Variants in PAX2 observed in about 807,000 individuals in gnomAD.
PAX2 encodes the protein paired box protein Pax-2.
In PAX2, 9 loss-of-function variants were observed where a neutral mutation model predicts 41.7. The observed-to-expected ratio is 0.22, with a 90% CI of 0.13 to 0.38. PAX2 has a LOEUF of 0.38. Among genes scored for constraint, PAX2 ranks in the 10% least tolerant of loss-of-function variants. PAX2 has a pLI of 1.00. For missense variants in PAX2, 418 were observed against 531.6 expected (o/e 0.79, Z 2.10); for synonymous variants, 221 against 212.7 (o/e 1.04, Z -0.34).
intron 7 of PAX2, among the ~76,000 whole-genome samples, chr10:100,819,665 G>A (rs79960259): frequency 4.6e-5 from 7 of 152,278 alleles, no homozygotes; most frequent in Admixed American, 1.3e-4. Flanking sequence ...TAAGGACACC[G>A]CCCAGCATAT....
chr10:100,820,645 C>T (rs1406354751), intron 7 of PAX2, among the ~76,000 whole-genome samples: 2 of 152,060 alleles, frequency 1.3e-5, no homozygotes, highest in Non-Finnish European at 2.9e-5. Flanking sequence ...ACCCAGGAGG[C>T]GGAGGTTGCA....
intron 5 of PAX2, among the ~76,000 whole-genome samples, chr10:100,786,317 C>T (rs1276648663): frequency 6.6e-6 from 1 of 152,226 alleles, no homozygotes; most frequent in African/African-American, 2.4e-5. Context: ...CATCTTTCAG[C>T]CTCCACAGGC....
chr10:100,815,035 C>G (rs1444735917), intron 7 of PAX2, among the ~76,000 whole-genome samples: 1 of 152,180 alleles, frequency 6.6e-6, no homozygotes, highest in Non-Finnish European at 1.5e-5. Context: ...GCCTCCTGGC[C>G]CACATCTGAG....
At chr10:100,794,271 C>T (rs547986195) in intron 5 of PAX2, among the ~76,000 whole-genome samples, 1 of 152,358 alleles carries the variant, frequency 6.6e-6, no homozygotes, top group East Asian at 1.9e-4. Flanking sequence ...GACCACGGGA[C>T]GTGGGATCCA....
intron 3 of PAX2, among the ~76,000 whole-genome samples, chr10:100,760,496 A>G (rs59792575): frequency 0.087 from 13,279 of 152,202 alleles, 1,729 homozygotes; most frequent in African/African-American, 0.28. Flanking sequence ...GTGAACGCTT[A>G]TGAGTAGTGT....
Position 100,746,206 on chromosome 10 carries a change from T to A in PAX2, c.-55T>A. On this transcript the variant is annotated 5_prime_UTR_variant, in exon 1 of 10. Transcript: ENST00000355243. ...TTTCTCCTCAAGTCCTGAAGTTGAGTTTGAGAGGCGACACGGCGGCGGCGG... is the reference window on the plus strand; with the variant it reads ...TTTCTCCTCAAGTCCTGAAGTTGAGATTGAGAGGCGACACGGCGGCGGCGG... 1 of 1,607,966 alleles carries A rather than the reference T, an allele frequency of 6.2e-7. No individual in the cohort carries two copies. The highest frequency in any genetic ancestry group is 1.7e-5 in the Admixed American group (1 of 59,794).
At chr10:100,775,179 G>A (rs756080089) in intron 3 of PAX2, among the ~76,000 whole-genome samples, 2 of 152,220 alleles carry the variant, frequency 1.3e-5, no homozygotes, top group African/African-American at 2.4e-5. Context: ...GCCTGGGGCC[G>A]TGGAGGTTTG....
intron 7 of PAX2, among the ~76,000 whole-genome samples, chr10:100,823,639 A>G (rs919841797): frequency 1.3e-5 from 2 of 152,176 alleles, no homozygotes; most frequent in East Asian, 3.8e-4. Context: ...AATAAGGGGA[A>G]TCTGGAGGGG....
intron 7 of PAX2, among the ~76,000 whole-genome samples, chr10:100,815,817 C>A (rs912203549): frequency 1.3e-5 from 2 of 152,208 alleles, no homozygotes; most frequent in Non-Finnish European, 2.9e-5. Flanking sequence ...AATCCCATGT[C>A]CTTGTCTGTG....
chr10:100,829,780 A>G lies in PAX2; in HGVS notation c.*2161A>G, dbSNP rs1848725154. On this transcript the variant is annotated 3_prime_UTR_variant, in exon 10 of 10. Coordinates refer to ENST00000355243, the MANE Select transcript of PAX2 (RefSeq NM_000278.5). ...CCCAGTCCTGTGGGGCTGGCCGGGCAGAGACCCCGGACCCAGGCCCAGGCC... is the reference window on the plus strand; with the variant it reads ...CCCAGTCCTGTGGGGCTGGCCGGGCGGAGACCCCGGACCCAGGCCCAGGCC... 1 of 205,680 alleles carries G rather than the reference A, an allele frequency of 4.9e-6. No individual in the cohort carries two copies. Among genetic ancestry groups the G allele is most frequent in the Admixed American group, 6.0e-5 (1 of 16,804 alleles). The allele number at this position is 205,680 out of a possible 1,614,324, so 12.7% of individuals were successfully genotyped here.
At chr10:100,754,316 CAA>C (rs1251086883) in intron 3 of PAX2, among the ~76,000 whole-genome samples, 3 of 152,240 alleles carry the variant, frequency 2.0e-5, no homozygotes, top group Admixed American at 1.3e-4. Context: ...GGGTTACTGA[CAA>C]TCCCCCGAGG....
At chr10:100,787,117 AAGG>A (rs1194151535) in intron 5 of PAX2, 13 of 532,810 alleles carry the variant, frequency 2.4e-5, no homozygotes, top group Non-Finnish European at 3.7e-5. Context: ...GAGCATGGAA[AAGG>A]AGGAGTTGGC....
chr10:100,803,885 C>CA (rs1438528726), intron 5 of PAX2, among the ~76,000 whole-genome samples: 2 of 151,584 alleles, frequency 1.3e-5, no homozygotes, highest in Admixed American at 6.6e-5. Flanking sequence ...CCTGAGTATA[C>CA]AAAAAAATAA....
At chr10:100,792,255 G>A (rs893808738) in intron 5 of PAX2, among the ~76,000 whole-genome samples, 3 of 152,202 alleles carry the variant, frequency 2.0e-5, no homozygotes, top group Non-Finnish European at 4.4e-5. Flanking sequence ...TCTTCTTCAC[G>A]TGCACAAGCA....
intron 7 of PAX2, among the ~76,000 whole-genome samples, chr10:100,810,176 C>A (rs1271300099): frequency 6.6e-6 from 1 of 151,942 alleles, no homozygotes; most frequent in East Asian, 1.9e-4. Context: ...AGGTGGCCTG[C>A]GGACCCAGCA....
rs149682559 is a variant in PAX2 at position 100,781,256 on chromosome 10, G to A, written c.507G>A (p.Thr169=). 24 of 1,613,776 alleles carry A rather than the reference G, an allele frequency of 1.5e-5. No individual in the cohort carries two copies. The highest frequency in any genetic ancestry group is 1.6e-4 in the Middle Eastern group (1 of 6,084). ...TAPGHTIVPS[T]ASPPVSSASN... ...CTTCCTCTCATCCAGTTCCCAGCAC[G>A]GCCTCCCCTCCTGTTTCCAGCGCCT... The change falls in exon 5 of 10, where the codon ACG becomes ACA. Residue 169 remains threonine, a synonymous_variant. Transcript: ENST00000355243.
intron 8 of PAX2, among the ~76,000 whole-genome samples, chr10:100,825,520 G>A (rs1452443721): frequency 6.6e-6 from 1 of 152,174 alleles, no homozygotes; most frequent in African/African-American, 2.4e-5. Flanking sequence ...GGGTCTTGAA[G>A]CCAAAGAGAG....
rs775042029 is a variant in PAX2, at chr10:100,746,227, G to A, written c.-34G>A. On this transcript the variant is annotated 5_prime_UTR_variant, in exon 1 of 10. Transcript: ENST00000355243. ...TGAGTTTGAGAGGCGACACGGCGGC[G>A]GCGGCCGCGCTGCTCCCGCTCCTCT... The A allele has an allele frequency of 9.9e-6, 16 of 1,612,972 alleles. No homozygotes were observed. The highest frequency in any genetic ancestry group is 1.7e-5 in the Admixed American group (1 of 59,996).
chr10:100,803,701 A>T (rs1847651703), intron 5 of PAX2, among the ~76,000 whole-genome samples: 1 of 151,486 alleles, frequency 6.6e-6, no homozygotes, highest in South Asian at 2.1e-4. Context: ...CTTTCATCAC[A>T]CCACTTTGTT....
Sources: gnomAD v4.1 joint callset for allele counts (sites outside exome capture counted in the v4.1 genomes callset) on GRCh38, gnomAD v4.1.1 for gene constraint, MANE v1.5 for transcripts, NCBI Gene and HGNC (gene_info 2026-07-23, HGNC 2026-07-21) for gene names.